TOX: variants seen among roughly 807,000 people sequenced by gnomAD.
TOX encodes the protein thymocyte selection associated high mobility group box.
TOX carries 11 observed loss-of-function variants against 53.7 expected under a neutral mutation model. That is an observed-to-expected ratio of 0.20 (90% CI 0.13 to 0.34). The LOEUF is 0.34. Ranked by LOEUF, TOX falls within the 10% of genes least tolerant of loss-of-function variation. TOX has a pLI of 1.00. For synonymous variants in TOX, 225 were observed against 245.3 expected, an observed-to-expected ratio of 0.92 and a Z score of 0.77; for missense variants, 570 against 664.6, an observed-to-expected ratio of 0.86 and a Z score of 1.56.
At chr8:58,819,326 A>G (rs1204746866) in intron 6 of TOX, among the ~76,000 whole-genome samples, 1 of 152,194 alleles carries the variant, frequency 6.6e-6, no homozygotes, top group African/African-American at 2.4e-5. Flanking sequence ...TTATTTAGCA[A>G]TGAGTGTCAT....
At chr8:58,884,330 TAAG>T (rs1811433930) in intron 3 of TOX, among the ~76,000 whole-genome samples, 1 of 152,154 alleles carries the variant, frequency 6.6e-6, no homozygotes, top group African/African-American at 2.4e-5. Flanking sequence ...CTCTGTCATC[TAAG>T]AAGGTTATTC....
intron 1 of TOX, among the ~76,000 whole-genome samples, chr8:58,997,476 G>A (rs73254417): frequency 0.018 from 2,720 of 152,230 alleles, 80 homozygotes; most frequent in African/African-American, 0.062. Flanking sequence ...AGGCCTCAAG[G>A]CTTCAGAGCC....
chr8:58,942,899 T>G (rs951471217), intron 2 of TOX, among the ~76,000 whole-genome samples: 5 of 152,136 alleles, frequency 3.3e-5, no homozygotes, highest in Non-Finnish European at 5.9e-5. Context: ...TCTCTCACCA[T>G]GTAACACATC....
chr8:59,112,276 T>G (rs940450076), intron 1 of TOX, among the ~76,000 whole-genome samples: 1 of 152,236 alleles, frequency 6.6e-6, no homozygotes, highest in African/African-American at 2.4e-5. Flanking sequence ...TTCAGGTTAA[T>G]GTGAATTCCA....
At chr8:58,900,240 G>A (rs1415002928) in intron 3 of TOX, among the ~76,000 whole-genome samples, 1 of 152,008 alleles carries the variant, frequency 6.6e-6, no homozygotes, top group Non-Finnish European at 1.5e-5. Flanking sequence ...CACAGCATAT[G>A]TTATTTTGAA....
At chr8:59,038,674 A>G (rs1054860535) in intron 1 of TOX, among the ~76,000 whole-genome samples, 1 of 152,212 alleles carries the variant, frequency 6.6e-6, no homozygotes, top group Admixed American at 6.5e-5. Flanking sequence ...GAGATTTGCT[A>G]TCTCCCCAGG....
intron 2 of TOX, among the ~76,000 whole-genome samples, chr8:58,942,004 G>C (rs1812449926): frequency 6.7e-6 from 1 of 148,270 alleles, no homozygotes; most frequent in African/African-American, 2.5e-5. Flanking sequence ...GGTGAGCTGA[G>C]AGCGTGCCAC....
At chr8:59,001,997 G>A (rs533385852) in intron 1 of TOX, among the ~76,000 whole-genome samples, 118 of 133,634 alleles carry the variant, frequency 8.8e-4, no homozygotes, top group Non-Finnish European at 1.4e-3. Flanking sequence ...TTTTTGAGAC[G>A]GAGTTTCACT....
At chr8:58,829,976 G>A (rs749288806) in intron 5 of TOX, among the ~76,000 whole-genome samples, 82 of 152,284 alleles carry the variant, frequency 5.4e-4, no homozygotes, top group Admixed American at 1.4e-3. Context: ...CCATGAGCAA[G>A]TGCACAGACC....
chr8:58,915,126 G>A (rs1282172255), intron 3 of TOX, among the ~76,000 whole-genome samples: 1 of 151,316 alleles, frequency 6.6e-6, no homozygotes, highest in Non-Finnish European at 1.5e-5. Flanking sequence ...GGCTGGGGGA[G>A]GGGCGCCCAC....
chr8:59,012,282 T>C (rs1380894809), intron 1 of TOX, among the ~76,000 whole-genome samples: 1 of 152,058 alleles, frequency 6.6e-6, no homozygotes, highest in African/African-American at 2.4e-5. Flanking sequence ...GATATGTTTG[T>C]AGAAAGGATG....
At chr8:59,038,110 G>A (rs1444288718) in intron 1 of TOX, among the ~76,000 whole-genome samples, 2 of 152,166 alleles carry the variant, frequency 1.3e-5, no homozygotes, top group Admixed American at 1.3e-4. Context: ...TGAATTTTAT[G>A]TGTATCTACT....
In TOX at chr8:58,815,630, G is replaced by C. The variant is rs201823077; in HGVS notation, c.1100C>G (p.Ser367Trp). 1 of 1,614,142 alleles carries C rather than the reference G, an allele frequency of 6.2e-7. No homozygotes were observed. Among genetic ancestry groups the C allele is most frequent in the Non-Finnish European group, 8.5e-7 (1 of 1,180,018 alleles). The change falls in exon 7 of 9, where the codon TCG becomes TGG. Residue 367 changes from serine (S) to tryptophan (W), a missense_variant. By Grantham distance (177) the Ser-to-Trp change is radical. This residue lies in a region of TOX where 239 missense variants were observed against 250.7 expected (regional missense o/e 0.95). Coordinates refer to ENST00000361421, the MANE Select transcript of TOX (RefSeq NM_014729.3). ...SVFHGPSQAH[S>W]ALYLSSHYHQ... ...ATAGTGGGAACTTAGGTACAGGGCC[G>C]AGTGGGCCTGGCTGGGCCCATGGAA...
intron 3 of TOX, among the ~76,000 whole-genome samples, chr8:58,891,674 T>C (rs190442271): frequency 6.8e-4 from 103 of 152,324 alleles, no homozygotes; most frequent in African/African-American, 1.9e-3. Context: ...TAACTCTGAT[T>C]TCTTCATGAA....
At chr8:59,046,252 A>G (rs994642555) in intron 1 of TOX, among the ~76,000 whole-genome samples, 3 of 152,228 alleles carry the variant, frequency 2.0e-5, no homozygotes, top group Non-Finnish European at 2.9e-5. Flanking sequence ...TTCAATATAC[A>G]TACAATAAAA....
intron 1 of TOX, among the ~76,000 whole-genome samples, chr8:59,075,453 T>C (rs1018213683): frequency 2.0e-5 from 3 of 152,144 alleles, no homozygotes; most frequent in African/African-American, 7.2e-5. Context: ...GAGCAGGCTT[T>C]GCAAAGCTTC....
intron 3 of TOX, among the ~76,000 whole-genome samples, chr8:58,856,081 TG>T (rs764000767): frequency 5.4e-4 from 82 of 152,326 alleles, no homozygotes; most frequent in Admixed American, 1.4e-3. Flanking sequence ...CAACAAAGAC[TG>T]AAGTAAAAAT....
chr8:59,071,063 T>C (rs1313657878), intron 1 of TOX, among the ~76,000 whole-genome samples: 1 of 152,188 alleles, frequency 6.6e-6, no homozygotes, highest in Admixed American at 6.5e-5. Flanking sequence ...AATTGCAATT[T>C]GGTGTAAATA....
chr8:59,044,230 C>CAAAA (rs78904701), intron 1 of TOX, among the ~76,000 whole-genome samples: 2,886 of 114,016 alleles, frequency 0.025, 68 homozygotes, highest in Middle Eastern at 0.094. Flanking sequence ...TGGCACTCAT[C>CAAAA]AAAAAAAAAA....
Sources: allele counts gnomAD v4.1 joint callset (sites outside exome capture counted in the v4.1 genomes callset), GRCh38; gene constraint gnomAD v4.1.1; regional missense constraint gnomAD v4.1.1; transcripts MANE v1.5; gene names NCBI Gene and HGNC (gene_info 2026-07-23, HGNC 2026-07-21).